AGBL2: variants seen among roughly 807,000 people sequenced by gnomAD.
AGBL2 encodes the protein cytosolic carboxypeptidase 2.
In AGBL2, 87 loss-of-function variants were observed where a neutral mutation model predicts 103.0. That is an observed-to-expected ratio of 0.84 (90% CI 0.71 to 1.01). AGBL2 has a LOEUF of 1.01. Among genes scored for constraint, AGBL2 ranks in the 50% least tolerant of loss-of-function variants. The pLI is 0.00. For missense variants in AGBL2, 904 were observed against 1,023.5 expected (o/e 0.88, Z 1.59); for synonymous variants, 335 against 356.7 (o/e 0.94, Z 0.69).
rs1416931920 is a variant in AGBL2 at position 47,699,545 on chromosome 11, G to A, written c.595C>T (p.Pro199Ser). ...TGATAGAAATATTCTGGTTGAGGTG[G>A]AGCCCACTCTGAAAGAAGACATTTT... ...KENIHHIEWA[P>S]PQPEYFYQPK... The change falls in exon 8 of 19, where the codon CCA (proline) becomes TCA (serine). Residue 199 changes from proline to serine, a missense_variant. Physicochemically the swap from Pro to Ser is moderately conservative, Grantham distance 74. Transcript: ENST00000525123. 12 of 1,591,458 alleles carry A rather than the reference G, an allele frequency of 7.5e-6. No homozygotes were observed. The highest frequency in any genetic ancestry group is 1.0e-5 in the Non-Finnish European group (12 of 1,165,516).
intron 12 of AGBL2, among the ~76,000 whole-genome samples, chr11:47,681,297 A>G (rs1272228960): frequency 2.0e-5 from 3 of 152,026 alleles, no homozygotes; most frequent in Non-Finnish European, 4.4e-5. Context: ...ATGCCACTAC[A>G]CTCTAGCCTG....
chr11:47,690,196 T>C lies in AGBL2; in HGVS notation c.1511A>G (p.Asp504Gly), dbSNP rs755517576. Reference sequence around the variant, plus strand: ...CCGATAATTCCCCACAATCACACCATCTGGATTTAACATGGGAAGCACCTT... The same window carrying C: ...CCGATAATTCCCCACAATCACACCACCTGGATTTAACATGGGAAGCACCTT... Reference protein sequence around the residue: ...VFKVLPMLNPDGVIVGNYRCS... With the variant: ...VFKVLPMLNPGGVIVGNYRCS... The change falls in exon 10 of 19, where the codon GAT becomes GGT. Residue 504 changes from aspartate (D) to glycine (G), a missense_variant. By Grantham distance (94) the Asp-to-Gly change is moderately conservative. Transcript: ENST00000525123. 1.2e-6 allele frequency: 2 copies of C among 1,614,102 alleles called. No individual in the cohort carries two copies. The highest frequency in any genetic ancestry group is 2.2e-5 in the South Asian group (2 of 91,084).
At chr11:47,664,270 A>C (rs566759374) in intron 17 of AGBL2, among the ~76,000 whole-genome samples, 153 of 152,188 alleles carry the variant, frequency 1.0e-3, no homozygotes, top group Admixed American at 3.3e-3. Flanking sequence ...TTTTTGGGAC[A>C]AAGTCTCACT....
chr11:47,699,562 AGAC>A lies in AGBL2; in HGVS notation c.587-12_587-10del. On this transcript the variant is annotated splice_polypyrimidine_tract_variant and intron_variant, in intron 7 of 18. Coordinates refer to ENST00000525123, the MANE Select transcript of AGBL2 (RefSeq NM_024783.4). ...TTGAGGTGGAGCCCACTCTGAAAGAAGACATTTTAAAAAGTACAAAATAAGAAA... is the reference window on the plus strand; with the variant it reads ...TTGAGGTGGAGCCCACTCTGAAAGAAATTTTAAAAAGTACAAAATAAGAAA... The A allele has an allele frequency of 6.6e-7, 1 of 1,511,838 alleles. No homozygotes were observed. Among genetic ancestry groups the A allele is most frequent in the Non-Finnish European group, 9.1e-7 (1 of 1,097,348 alleles). The allele number at this position is 1,511,838 out of a possible 1,614,324, so 93.7% of individuals were successfully genotyped here.
chr11:47,710,834 G>A, intron 3 of AGBL2: 1 of 472,110 alleles, frequency 2.1e-6, no homozygotes, highest in East Asian at 6.4e-5. Context: ...ATAGCCAAAG[G>A]CTGGGAGGGT....
chr11:47,675,384 T>G (rs1344269000), intron 14 of AGBL2, among the ~76,000 whole-genome samples: 1 of 127,420 alleles, frequency 7.8e-6, no homozygotes. Context: ...AGTTTTTTTT[T>G]TTTTTTTTTT....
chr11:47,679,935 C>G (rs1286991974), intron 13 of AGBL2, 38 bp downstream of exon 13: 1 of 1,340,414 alleles, frequency 7.5e-7, no homozygotes, highest in Non-Finnish European at 1.1e-6. Flanking sequence ...AGCCACCATG[C>G]CTGGCCTTCA....
chr11:47,667,926 T>C (rs532197428), intron 15 of AGBL2, among the ~76,000 whole-genome samples: 1 of 152,260 alleles, frequency 6.6e-6, no homozygotes, highest in South Asian at 2.1e-4. Flanking sequence ...GGGGTACTTA[T>C]GGTTGGGCAT....
chr11:47,695,546 G>A (rs967837662), intron 8 of AGBL2, among the ~76,000 whole-genome samples: 9 of 149,644 alleles, frequency 6.0e-5, no homozygotes, highest in Admixed American at 1.4e-4. Flanking sequence ...AGGTTGAAGT[G>A]GGTAGATTGC....
chr11:47,696,099 G>A (rs765720383), intron 8 of AGBL2, among the ~76,000 whole-genome samples: 2 of 144,104 alleles, frequency 1.4e-5, no homozygotes, highest in Admixed American at 7.1e-5. Context: ...CCTGGAGGCT[G>A]AGGAACAAAT....
chr11:47,708,098 C>T (rs113307128), intron 4 of AGBL2, among the ~76,000 whole-genome samples: 3,998 of 151,446 alleles, frequency 0.026, 177 homozygotes, highest in African/African-American at 0.092. Context: ...GATGGAGTCT[C>T]GCTCTGTCAC....
rs1342554569 is a variant in AGBL2 at position 47,710,325 on chromosome 11, G to A, written c.232+52C>T. ...AGCAGATTCTTCTGAATACTCAGAGGAGTTACTAGGCAATGAGGTTCTAGA... is the reference window on the plus strand; with the variant it reads ...AGCAGATTCTTCTGAATACTCAGAGAAGTTACTAGGCAATGAGGTTCTAGA... On this transcript the variant is annotated intron_variant, in intron 4 of 18. Transcript: ENST00000525123. 3.7e-6 allele frequency: 6 copies of A among 1,611,448 alleles called. No individual in the cohort carries two copies. In the East Asian group the frequency reaches 1.1e-4, roughly 30 times the overall value.
At chr11:47,689,700 A>G (rs1372747532) in intron 10 of AGBL2, among the ~76,000 whole-genome samples, 1 of 152,144 alleles carries the variant, frequency 6.6e-6, no homozygotes, top group African/African-American at 2.4e-5. Flanking sequence ...TGTGTAATGC[A>G]CCTACCATAC....
At chr11:47,705,971 C>A in intron 4 of AGBL2, 54 bp from the exon 5 acceptor site, 1 of 1,422,324 alleles carries the variant, frequency 7.0e-7, no homozygotes, top group Non-Finnish European at 9.9e-7. Flanking sequence ...GTCTTCTTTT[C>A]TTCTGTCTGC....
rs773217610 is a variant in AGBL2, at chr11:47,714,613, C to G, written c.33+5G>C. The G allele has an allele frequency of 6.2e-7, 1 of 1,613,568 alleles. No individual in the cohort carries two copies. Among genetic ancestry groups the G allele is most frequent in the South Asian group, 1.1e-5 (1 of 91,050 alleles). On this transcript the variant is annotated splice_donor_5th_base_variant and intron_variant, in intron 2 of 18. Coordinates refer to ENST00000525123, the MANE Select transcript of AGBL2 (RefSeq NM_024783.4). ...TTTCTGTGGCTTTCCGTGTTGTGTA[C>G]CGACCTGCTTTAGGTGCGTTTCCAA...
chr11:47,693,311 A>C (rs1179095576), intron 8 of AGBL2, among the ~76,000 whole-genome samples: 1 of 152,100 alleles, frequency 6.6e-6, no homozygotes, highest in Non-Finnish European at 1.5e-5. Flanking sequence ...ACAGGCGTGC[A>C]CCACCCTGCC....
intron 18 of AGBL2, among the ~76,000 whole-genome samples, chr11:47,661,369 C>G (rs1359823962): frequency 2.6e-5 from 4 of 151,996 alleles, no homozygotes; most frequent in Non-Finnish European, 5.9e-5. Context: ...CTTGATTAGT[C>G]TGTCAGGACT....
chr11:47,701,583 C>T (rs764109413), intron 7 of AGBL2, among the ~76,000 whole-genome samples: 1 of 151,908 alleles, frequency 6.6e-6, no homozygotes, highest in Non-Finnish European at 1.5e-5. Context: ...AATCTCAGCA[C>T]TTTAGGAGGC....
At chr11:47,685,862 C>A (rs1383376006) in intron 11 of AGBL2, 31 bp downstream of exon 11, 1 of 1,604,940 alleles carries the variant, frequency 6.2e-7, no homozygotes, top group Non-Finnish European at 8.5e-7. Context: ...GTCCCTAACT[C>A]AATGGAGAGA....
Sources: gnomAD v4.1 joint callset for allele counts (sites outside exome capture counted in the v4.1 genomes callset) on GRCh38, gnomAD v4.1.1 for gene constraint, MANE v1.5 for transcripts, NCBI Gene and HGNC (gene_info 2026-07-23, HGNC 2026-07-21) for gene names.